GPHN: variants seen among roughly 807,000 people sequenced by gnomAD.
GPHN encodes the protein gephyrin.
Under a neutral mutation model 95.5 loss-of-function variants are expected in GPHN, and 17 were observed. The observed-to-expected ratio is 0.18, with a 90% confidence interval of 0.12 to 0.27. The LOEUF (loss-of-function observed/expected upper bound fraction) is 0.27. Ranked by LOEUF, GPHN falls within the 10% of genes least tolerant of loss-of-function variation. GPHN has a pLI of 1.00. For missense variants in GPHN, 660 were observed against 978.1 expected (o/e 0.67, Z 4.34); for synonymous variants, 320 against 322.5 (o/e 0.99, Z 0.08).
In GPHN at chr14:67,070,715, A is replaced by AAAAAAAAAAATATATATATATAT; in HGVS notation, c.1144+11930_1144+11931insAAAAAAAAATATATATATATATA. On this transcript the variant is annotated intron_variant, in intron 11 of 22. Transcript: ENST00000478722. ...ATCTCAAAAAAAAAAAAAAAAAAAA[A>AAAAAAAAAAATATATATATATAT]ATATATATATATATCCAATCAGCAT... 1.5e-3 allele frequency among the ~76,000 whole-genome samples: 119 copies of AAAAAAAAAAATATATATATATAT among 80,510 alleles called. 2 individuals carry two copies. The highest frequency in any genetic ancestry group is 7.3e-3 in the African/African-American group (58 of 7,904). The allele number at this position is 80,510 out of a possible 152,430, so 52.8% of individuals were successfully genotyped here. A position where few individuals can be genotyped will look rare whatever the true frequency, so the allele number is the denominator to read the frequency against.
At chr14:67,590,137 T>A in the GPHN span, 18 of 1,551,320 alleles carry the variant, frequency 1.2e-5, no homozygotes, top group East Asian at 2.9e-4. Flanking sequence ...AGCTCCTGTA[T>A]ACTTCAATCA....
At chr14:67,505,475 G>C in the GPHN span, among the ~76,000 whole-genome samples, 3 of 152,198 alleles carry the variant, frequency 2.0e-5, no homozygotes. Context: ...GGAGACTGCT[G>C]AGCTGGGGTC....
intron 1 of GPHN, among the ~76,000 whole-genome samples, chr14:66,658,343 A>G (rs997777100): frequency 2.6e-5 from 4 of 152,186 alleles, no homozygotes; most frequent in African/African-American, 9.6e-5. Context: ...GAATGACAAA[A>G]AAGGATTTAG....
At chr14:66,873,023 G>A (rs1241660483) in intron 4 of GPHN, among the ~76,000 whole-genome samples, 3 of 152,046 alleles carry the variant, frequency 2.0e-5, no homozygotes, top group Non-Finnish European at 2.9e-5. Context: ...AGTCTGCAAC[G>A]CCCAGCAAGA....
intron 4 of GPHN, among the ~76,000 whole-genome samples, chr14:66,870,893 G>T (rs1224324292): frequency 6.6e-6 from 1 of 152,122 alleles, no homozygotes; most frequent in African/African-American, 2.4e-5. Flanking sequence ...GTAAATAAGA[G>T]TTTGAGCCAT....
chr14:67,332,704 T>C, the GPHN span: 1 of 1,438,900 alleles, frequency 6.9e-7, no homozygotes, highest in East Asian at 2.4e-5. Flanking sequence ...TCCTTGTTCT[T>C]TGGCCATCTC....
intron 5 of GPHN, among the ~76,000 whole-genome samples, chr14:66,895,985 C>A (rs2064827338): frequency 6.6e-6 from 1 of 152,124 alleles, no homozygotes; most frequent in Non-Finnish European, 1.5e-5. Flanking sequence ...AGTCCACAAT[C>A]AAGGTGCCCG....
chr14:67,542,985 A>G, the GPHN span, among the ~76,000 whole-genome samples: 5 of 152,220 alleles, frequency 3.3e-5, no homozygotes, highest in Admixed American at 6.5e-5. Flanking sequence ...TGCTGGGATT[A>G]CAGACATGAG....
At chr14:67,536,573 G>T in the GPHN span, among the ~76,000 whole-genome samples, 1 of 151,766 alleles carries the variant, frequency 6.6e-6, no homozygotes, top group African/African-American at 2.4e-5. Context: ...CTATTTTGAG[G>T]CCTGTGGTGA....
chr14:67,540,279 G>C, the GPHN span, among the ~76,000 whole-genome samples: 1 of 152,030 alleles, frequency 6.6e-6, no homozygotes, highest in Non-Finnish European at 1.5e-5. Context: ...ACAAATCCCA[G>C]ATATTATATT....
the GPHN span, among the ~76,000 whole-genome samples, chr14:67,323,223 A>G: frequency 3.5e-5 from 4 of 115,028 alleles, no homozygotes; most frequent in Admixed American, 2.7e-4. Flanking sequence ...ATATATACAC[A>G]TATATACACG....
Position 66,530,697 on chromosome 14 carries a change from C to T in GPHN, c.64+22106C>T, listed in dbSNP as rs528030987. Among the ~76,000 whole-genome samples, 7 of 152,138 alleles carry T rather than the reference C, an allele frequency of 4.6e-5. No individual in the cohort carries two copies. In the East Asian group the frequency reaches 1.4e-3, roughly 30 times the overall value. On this transcript the variant is annotated intron_variant, in intron 1 of 22. Coordinates refer to ENST00000478722, the MANE Select transcript of GPHN (RefSeq NM_020806.5). ...TTACAGCACAGTCCCTCAGGGCTTC[C>T]CTTGGCTACGGATGGGAATTCCCTG...
intron 10 of GPHN, among the ~76,000 whole-genome samples, chr14:67,051,285 AAACAC>A (rs1332769930): frequency 1.3e-5 from 2 of 152,246 alleles, no homozygotes; most frequent in Non-Finnish European, 2.9e-5. Context: ...TGGAGCTGAA[AAACAC>A]AACACAAGAA....
intron 4 of GPHN, among the ~76,000 whole-genome samples, chr14:66,838,057 A>G (rs1446396092): frequency 6.6e-6 from 1 of 152,158 alleles, no homozygotes; most frequent in Non-Finnish European, 1.5e-5. Context: ...GGGGCATAAA[A>G]TTAATAATAA....
chr14:66,979,400 C>A (rs1246373981), intron 9 of GPHN, among the ~76,000 whole-genome samples: 2 of 152,250 alleles, frequency 1.3e-5, no homozygotes, highest in African/African-American at 4.8e-5. Flanking sequence ...GCTGCAGCTT[C>A]TACAGCAGCA....
At chr14:67,361,709 TA>T in the GPHN span, among the ~76,000 whole-genome samples, 1 of 152,236 alleles carries the variant, frequency 6.6e-6, no homozygotes, top group African/African-American at 2.4e-5. Context: ...TTGGTTGATA[TA>T]TTTTGAAAGG....
At chr14:67,035,518 T>TAA (rs999504921) in intron 10 of GPHN, among the ~76,000 whole-genome samples, 16 of 151,530 alleles carry the variant, frequency 1.1e-4, no homozygotes, top group African/African-American at 3.9e-4. Flanking sequence ...AGACTCAAAA[T>TAA]AACTAAAATC....
chr14:67,192,645 T>A, the GPHN span, among the ~76,000 whole-genome samples: 2 of 151,844 alleles, frequency 1.3e-5, no homozygotes, highest in African/African-American at 4.8e-5. Flanking sequence ...CACAATTATT[T>A]TGCCACTCTT....
chr14:67,067,471 C>G (rs555248367), intron 11 of GPHN, among the ~76,000 whole-genome samples: 2 of 152,308 alleles, frequency 1.3e-5, no homozygotes, highest in South Asian at 4.1e-4. Context: ...CTGGTAGAAC[C>G]ACTGCTCTCT....
Sources: allele counts gnomAD v4.1 joint callset (sites outside exome capture counted in the v4.1 genomes callset), GRCh38; gene constraint gnomAD v4.1.1; transcripts MANE v1.5; gene names NCBI Gene and HGNC (gene_info 2026-07-23, HGNC 2026-07-21).